Variants in ERBB4 observed in about 807,000 individuals in gnomAD.
The protein encoded by ERBB4 is erb-b2 receptor tyrosine kinase 4.
In ERBB4, 42 loss-of-function variants were observed where a neutral mutation model predicts 158.0. That is an observed-to-expected ratio of 0.27 (90% CI 0.21 to 0.34). The LOEUF (loss-of-function observed/expected upper bound fraction) is 0.34. ERBB4 is among the 10% of genes least tolerant of loss of function. ERBB4 has a pLI of 1.00. For missense variants in ERBB4, 1,333 were observed against 1,624.1 expected (o/e 0.82, Z 3.08); for synonymous variants, 583 against 558.7 (o/e 1.04, Z -0.61).
intron 1 of ERBB4, among the ~76,000 whole-genome samples, chr2:212,334,615 G>C (rs1461662227): frequency 6.6e-6 from 1 of 151,868 alleles, no homozygotes; most frequent in African/African-American, 2.4e-5. Context: ...TTGTTTCCTT[G>C]ACTGGATCAA....
chr2:212,439,787 C>T (rs747149538), intron 1 of ERBB4, among the ~76,000 whole-genome samples: 1 of 152,080 alleles, frequency 6.6e-6, no homozygotes, highest in Non-Finnish European at 1.5e-5. Flanking sequence ...GTCATTCCAA[C>T]ACCTGAGGAA....
intron 3 of ERBB4, among the ~76,000 whole-genome samples, chr2:211,944,046 C>T (rs935246183): frequency 1.2e-4 from 17 of 145,302 alleles, no homozygotes; most frequent in East Asian, 4.0e-4. Flanking sequence ...TAAGTAGAAA[C>T]GCAAACCATA....
chr2:211,982,502 TACAG>T lies in ERBB4; in HGVS notation c.235-34890_235-34887del, dbSNP rs1462980341. On this transcript the variant is annotated intron_variant, in intron 2 of 27. Transcript: ENST00000342788. ...GAGTCAAATTCCAGAATGGATGGAG[TACAG>T]ACAAAGAGGATATTACCAGATGAGG... Among the ~76,000 whole-genome samples the T allele has an allele frequency of 2.6e-5, 4 of 151,922 alleles. No individual in the cohort carries two copies. In the East Asian group the frequency reaches 7.8e-4, roughly 29 times the overall value.
chr2:211,577,735 G>C (rs995410110), intron 19 of ERBB4, among the ~76,000 whole-genome samples: 1 of 152,072 alleles, frequency 6.6e-6, no homozygotes, highest in African/African-American at 2.4e-5. Flanking sequence ...AATAGATGCA[G>C]CAAAGGCCTT....
chr2:212,157,216 C>T (rs2081062825), intron 1 of ERBB4, among the ~76,000 whole-genome samples: 1 of 152,056 alleles, frequency 6.6e-6, no homozygotes, highest in Non-Finnish European at 1.5e-5. Context: ...GGCCATGGCA[C>T]ATGCTTTCCC....
At chr2:211,839,148 AGAGAAGG>A (rs2077409267) in intron 3 of ERBB4, among the ~76,000 whole-genome samples, 1 of 96,748 alleles carries the variant, frequency 1.0e-5, no homozygotes, top group African/African-American at 4.3e-5. Context: ...AGAGGGAGAG[AGAGAAGG>A]AGGAGGAGGA....
At chr2:211,782,288 T>C (rs1436983826) in intron 4 of ERBB4, among the ~76,000 whole-genome samples, 1 of 152,188 alleles carries the variant, frequency 6.6e-6, no homozygotes, top group Non-Finnish European at 1.5e-5. Context: ...CACTGTTCTA[T>C]GGAAGAAACA....
intron 3 of ERBB4, among the ~76,000 whole-genome samples, chr2:211,851,696 C>A (rs1174882089): frequency 1.3e-5 from 2 of 151,728 alleles, no homozygotes; most frequent in Non-Finnish European, 2.9e-5. Context: ...CATAAAATAG[C>A]CCTTGCCTTC....
intron 1 of ERBB4, among the ~76,000 whole-genome samples, chr2:212,227,614 A>G (rs2083517075): frequency 6.6e-6 from 1 of 152,200 alleles, no homozygotes; most frequent in Admixed American, 6.5e-5. Context: ...ATGAACATTA[A>G]TTGAGCATCC....
intron 25 of ERBB4, among the ~76,000 whole-genome samples, chr2:211,415,210 G>A (rs866310635): frequency 1.5e-5 from 2 of 135,958 alleles, no homozygotes; most frequent in Non-Finnish European, 1.5e-5. Flanking sequence ...TCCGCCTCCC[G>A]GGTTCACGCC....
intron 3 of ERBB4, among the ~76,000 whole-genome samples, chr2:211,789,290 T>C (rs1369109525): frequency 6.6e-6 from 1 of 152,154 alleles, no homozygotes; most frequent in African/African-American, 2.4e-5. Context: ...GATTTCTTTT[T>C]TCACATAAGA....
At chr2:211,424,481 T>G (rs538571867) in intron 22 of ERBB4, among the ~76,000 whole-genome samples, 180 bp from the exon 23 acceptor site, 1 of 151,870 alleles carries the variant, frequency 6.6e-6, no homozygotes, top group African/African-American at 2.4e-5. Context: ...AAAATCTTTG[T>G]GGGGGAATTC....
intron 2 of ERBB4, chr2:211,960,531 T>G (rs943657653): frequency 1.3e-5 from 2 of 152,064 alleles, no homozygotes; most frequent in African/African-American, 4.8e-5. Context: ...AGATGAAAGG[T>G]AGTGCCTTAG....
At chr2:211,422,371 A>G (rs973912819) in intron 23 of ERBB4, among the ~76,000 whole-genome samples, 1 of 150,284 alleles carries the variant, frequency 6.7e-6, no homozygotes, top group African/African-American at 2.5e-5. Flanking sequence ...AATATAAGTT[A>G]TTATTTTGTA....
Position 212,350,065 on chromosome 2 carries a change from T to C in ERBB4, c.82+188384A>G, listed in dbSNP as rs547431305. The stretch of plus-strand genomic sequence containing the variant: ...TCAATGCTTAAAAATTAACCTCTTT[T>C]TTTTCTGCCATGTGAAGAAGTACAG... On this transcript the variant is annotated intron_variant, in intron 1 of 27. Transcript: ENST00000342788. Among the ~76,000 whole-genome samples, 8 of 152,246 alleles carry C rather than the reference T, an allele frequency of 5.3e-5. No individual in the cohort carries two copies. In the South Asian group the frequency reaches 1.7e-3, roughly 32 times the overall value.
At chr2:212,448,307 T>A (rs549866470) in intron 1 of ERBB4, among the ~76,000 whole-genome samples, 1 of 152,172 alleles carries the variant, frequency 6.6e-6, no homozygotes, top group Non-Finnish European at 1.5e-5. Flanking sequence ...CACACATGAA[T>A]TGCGTACATC....
At chr2:211,489,948 C>T (rs1211057672) in intron 20 of ERBB4, among the ~76,000 whole-genome samples, 1 of 151,950 alleles carries the variant, frequency 6.6e-6, no homozygotes, top group Non-Finnish European at 1.5e-5. Flanking sequence ...TATCTGGCTA[C>T]TATAGCTTGA....
intron 1 of ERBB4, among the ~76,000 whole-genome samples, chr2:212,454,934 T>C (rs1006076273): frequency 2.0e-5 from 3 of 152,140 alleles, no homozygotes; most frequent in Non-Finnish European, 4.4e-5. Flanking sequence ...CCTCACTTCA[T>C]TTTAGGGAAA....
At position 212,109,345 on chromosome 2, in the gene ERBB4, C is replaced by A. The variant is rs182657090; in HGVS notation, c.234+15407G>T. Among the ~76,000 whole-genome samples the A allele has an allele frequency of 1.1e-3, 168 of 152,282 alleles. 1 individual carries two copies. Among genetic ancestry groups the A allele is most frequent in the Admixed American group, 8.0e-3 (122 of 15,290 alleles). The stretch of plus-strand genomic sequence containing the variant: ...TAAGCCAAAATCTGCCTCCTTTCAG[C>A]TTCTGCCTAATGCTGCCTTCTGGAA... On this transcript the variant is annotated intron_variant, in intron 2 of 27. Transcript: ENST00000342788.
Sources: allele counts gnomAD v4.1 joint callset (sites outside exome capture counted in the v4.1 genomes callset), GRCh38; gene constraint gnomAD v4.1.1; transcripts MANE v1.5; gene names NCBI Gene and HGNC (gene_info 2026-07-23, HGNC 2026-07-21).